The following DTD1 variants were observed in gnomAD, a reference collection of about 807,000 sequenced individuals.
DTD1 encodes the protein D-aminoacyl-tRNA deacylase 1.
Under a neutral mutation model 25.6 loss-of-function variants are expected in DTD1, and 13 were observed. That is an observed-to-expected ratio of 0.51 (90% confidence interval 0.33 to 0.81). The LOEUF (loss-of-function observed/expected upper bound fraction) is 0.81. DTD1 is among the 30% of genes least tolerant of loss of function. The pLI, the probability that DTD1 is intolerant of heterozygous loss-of-function variation, is 0.02. For synonymous variants in DTD1, 110 were observed against 103.6 expected, an observed-to-expected ratio of 1.06 and a Z score of -0.37; for missense variants, 193 against 266.4, an observed-to-expected ratio of 0.72 and a Z score of 1.92.
At chr20:18,626,679 C>A (rs1276539807) in intron 3 of DTD1, among the ~76,000 whole-genome samples, 1 of 151,978 alleles carries the variant, frequency 6.6e-6, no homozygotes, top group Non-Finnish European at 1.5e-5. Flanking sequence ...AAAATGTTAC[C>A]ATTTTAAGAT....
intron 4 of DTD1, among the ~76,000 whole-genome samples, chr20:18,677,316 T>C (rs537288869): frequency 1.3e-5 from 2 of 152,216 alleles, no homozygotes; most frequent in African/African-American, 2.4e-5. Flanking sequence ...ACTGTTCAAC[T>C]TGTTGCTGAA....
intron 4 of DTD1, among the ~76,000 whole-genome samples, chr20:18,658,616 G>A (rs1263029510): frequency 2.6e-5 from 4 of 152,188 alleles, no homozygotes; most frequent in Non-Finnish European, 5.9e-5. Context: ...TTTGTCATTC[G>A]AGTGCAACCC....
intron 4 of DTD1, among the ~76,000 whole-genome samples, chr20:18,652,004 T>A (rs1256466133): frequency 6.6e-6 from 1 of 152,124 alleles, no homozygotes; most frequent in Non-Finnish European, 1.5e-5. Context: ...CTGTCCCCAT[T>A]GGCAGTTCAA....
rs1239048141 is a variant in DTD1, at chr20:18,628,210, A to T, written c.454A>T (p.Thr152Ser). 6.2e-7 allele frequency: 1 copy of T among 1,613,648 alleles called. No individual in the cohort carries two copies. The change falls in exon 4 of 6, where the codon ACT becomes TCT. Residue 152 changes from threonine to serine, a missense_variant. By Grantham distance (58) the Thr-to-Ser change is moderately conservative. Coordinates refer to ENST00000377452, the MANE Select transcript of DTD1 (RefSeq NM_080820.6). Reference protein sequence around the residue: ...TIELESPAPGTATSDPKQLSK... With the variant: ...TIELESPAPGSATSDPKQLSK... ...AGAGCTGGAATCGCCAGCTCCCGGC[A>T]CTGCTACCTCTGACCCAAAGCAGGT... is the stretch of plus-strand genomic sequence containing the variant.
At chr20:18,717,166 A>G (rs1279752761) in intron 4 of DTD1, among the ~76,000 whole-genome samples, 4 of 152,212 alleles carry the variant, frequency 2.6e-5, no homozygotes, top group Admixed American at 2.0e-4. Context: ...TTTTTACTGC[A>G]ATCTGCAATT....
intron 4 of DTD1, among the ~76,000 whole-genome samples, chr20:18,743,233 T>C (rs1279817831): frequency 1.3e-5 from 2 of 152,146 alleles, no homozygotes; most frequent in African/African-American, 4.8e-5. Context: ...CTAAGAAGGC[T>C]CTAGTGGCCA....
intron 5 of DTD1, among the ~76,000 whole-genome samples, chr20:18,760,675 A>T (rs915688280): frequency 1.3e-5 from 2 of 152,310 alleles, no homozygotes; most frequent in East Asian, 3.9e-4. Context: ...TAGGCTACTC[A>T]GGGGTCAGGG....
chr20:18,682,212 C>G (rs1254167410), intron 4 of DTD1, among the ~76,000 whole-genome samples: 2 of 152,210 alleles, frequency 1.3e-5, no homozygotes, highest in Non-Finnish European at 2.9e-5. Flanking sequence ...ATGCTCATCT[C>G]CTCCCATTTT....
At chr20:18,712,409 G>A (rs1224038804) in intron 4 of DTD1, among the ~76,000 whole-genome samples, 1 of 140,314 alleles carries the variant, frequency 7.1e-6, no homozygotes, top group African/African-American at 2.6e-5. Flanking sequence ...GGGGGTGGGG[G>A]GGAAGCCAGG....
intron 4 of DTD1, among the ~76,000 whole-genome samples, chr20:18,684,778 T>A (rs891184003): frequency 7.2e-5 from 11 of 152,172 alleles, no homozygotes; most frequent in Non-Finnish European, 1.5e-4. Context: ...CCTTTTCTTG[T>A]TATAAGAATG....
intron 4 of DTD1, among the ~76,000 whole-genome samples, chr20:18,660,099 G>C (rs139216561): frequency 2.0e-4 from 31 of 152,222 alleles, no homozygotes; most frequent in African/African-American, 7.2e-4. Flanking sequence ...TTAGCTATGC[G>C]TGGTGGTGGA....
intron 4 of DTD1, among the ~76,000 whole-genome samples, chr20:18,711,155 G>A (rs779999111): frequency 1.3e-5 from 2 of 152,124 alleles, no homozygotes; most frequent in African/African-American, 4.8e-5. Flanking sequence ...CTGTGTGAGC[G>A]CAGGTGTTGT....
At chr20:18,670,644 G>A (rs553104936) in intron 4 of DTD1, among the ~76,000 whole-genome samples, 17 of 152,308 alleles carry the variant, frequency 1.1e-4, no homozygotes, top group African/African-American at 1.4e-4. Flanking sequence ...AAATAAAGTC[G>A]TTTACTCAGA....
chr20:18,720,022 T>C (rs2061196069), intron 4 of DTD1, among the ~76,000 whole-genome samples: 1 of 152,238 alleles, frequency 6.6e-6, no homozygotes, highest in African/African-American at 2.4e-5. Context: ...TCTTCAGAGC[T>C]TGGATATCAG....
At chr20:18,652,159 G>A (rs1474247381) in intron 4 of DTD1, among the ~76,000 whole-genome samples, 1 of 152,240 alleles carries the variant, frequency 6.6e-6, no homozygotes, top group Non-Finnish European at 1.5e-5. Flanking sequence ...GGCGGGCCCA[G>A]GGGGCAGCAT....
Position 18,765,584 on chromosome 20 carries a change from A to G in DTD1, c.*2244A>G, listed in dbSNP as rs1321241389. 6.6e-6 allele frequency: 1 copy of G among 152,216 alleles called. No individual in the cohort carries two copies. The highest frequency in any genetic ancestry group is 2.4e-5 in the African/African-American group (1 of 41,450). 9.4% of individuals were successfully genotyped at this position (152,216 alleles called of 1,614,324 possible). On this transcript the variant is annotated 3_prime_UTR_variant, in exon 6 of 6. Coordinates refer to ENST00000377452, the MANE Select transcript of DTD1 (RefSeq NM_080820.6). ...GTCTGGCCTAAGAGGGTCAGATCTAACCACAGGGCCAGATTATAGAGAAAA... is the reference window on the plus strand; with the variant it reads ...GTCTGGCCTAAGAGGGTCAGATCTAGCCACAGGGCCAGATTATAGAGAAAA...
chr20:18,707,045 C>T (rs1028470093), intron 4 of DTD1, among the ~76,000 whole-genome samples: 10 of 152,192 alleles, frequency 6.6e-5, no homozygotes, highest in African/African-American at 2.4e-4. Context: ...TGCCACTGCT[C>T]TTGGGTGGCC....
intron 4 of DTD1, among the ~76,000 whole-genome samples, chr20:18,740,115 G>A (rs1182107741): frequency 6.6e-6 from 1 of 152,118 alleles, no homozygotes; most frequent in African/African-American, 2.4e-5. Flanking sequence ...ATGACACTAC[G>A]AGGAGCTGAG....
In DTD1 at chr20:18,588,066, C is replaced by T. The variant is rs1483676979; in HGVS notation, c.-7C>T. 2.1e-6 allele frequency: 3 copies of T among 1,398,732 alleles called. No homozygotes were observed. Among genetic ancestry groups the T allele is most frequent in the South Asian group, 1.5e-5 (1 of 65,926 alleles). 86.6% of individuals were successfully genotyped at this position (1,398,732 alleles called of 1,614,324 possible). On this transcript the variant is annotated 5_prime_UTR_variant, in exon 1 of 6. Transcript: ENST00000377452. ...GCGGCGCCGCCCCACTCGCCCCAGC[C>T]GCCGCCATGAAGGCCGTGGTGCAGC... is the stretch of plus-strand genomic sequence containing the variant.
Sources: allele counts gnomAD v4.1 joint callset (sites outside exome capture counted in the v4.1 genomes callset), GRCh38; gene constraint gnomAD v4.1.1; transcripts MANE v1.5; gene names NCBI Gene and HGNC (gene_info 2026-07-23, HGNC 2026-07-21).